The following PRKG1 variants were observed in gnomAD, a reference collection of about 807,000 sequenced individuals.
PRKG1 encodes the protein cGMP-dependent protein kinase 1.
In PRKG1, 35 loss-of-function variants were observed where a neutral mutation model predicts 88.1. The observed-to-expected ratio is 0.40, with a 90% CI of 0.30 to 0.53. The LOEUF is 0.53. PRKG1 is among the 20% of genes least tolerant of loss of function. The probability of loss-of-function intolerance (pLI) is 0.59; values close to 1 mark genes in which losing one functional copy is unlikely to be tolerated. For missense variants in PRKG1, 540 were observed against 839.8 expected, an observed-to-expected ratio of 0.64 and a Z score of 4.41; for synonymous variants, 303 against 292.5, an observed-to-expected ratio of 1.04 and a Z score of -0.37.
chr10:51,869,188 T>A (rs991546645), intron 4 of PRKG1, among the ~76,000 whole-genome samples: 1 of 152,212 alleles, frequency 6.6e-6, no homozygotes, highest in African/African-American at 2.4e-5. Flanking sequence ...TTTCTTTGCT[T>A]GAGAAAATTG....
chr10:50,991,650 C>A lies in PRKG1; in HGVS notation c.266+6C>A. On this transcript the variant is annotated splice_donor_region_variant and intron_variant, in intron 1 of 17. Transcript: ENST00000401604. The surrounding 1 kb of genome is among the most constrained non-coding windows in gnomAD (Gnocchi z 4.5). Reference sequence around the variant, plus strand: ...AAGTTCACCAAGTCCGAAAGGTAGGCGCGGAGGCCGTGGGCCCGGGCGCTC... The same window carrying A: ...AAGTTCACCAAGTCCGAAAGGTAGGAGCGGAGGCCGTGGGCCCGGGCGCTC... 1 of 1,502,866 alleles carries A rather than the reference C, an allele frequency of 6.7e-7. No individual in the cohort carries two copies. Among genetic ancestry groups the A allele is most frequent in the Non-Finnish European group, 8.9e-7 (1 of 1,123,424 alleles). 93.1% of individuals were successfully genotyped at this position (1,502,866 alleles called of 1,614,324 possible). A position where few individuals can be genotyped will look rare whatever the true frequency, so the allele number is the denominator to read the frequency against.
chr10:51,305,585 C>T (rs1235839881), intron 2 of PRKG1, among the ~76,000 whole-genome samples: 1 of 152,238 alleles, frequency 6.6e-6, no homozygotes, highest in East Asian at 1.9e-4. Context: ...TTCAATTGGC[C>T]TTTAGGGCAG....
chr10:51,061,450 G>A (rs904983534), intron 1 of PRKG1, among the ~76,000 whole-genome samples: 71 of 152,062 alleles, frequency 4.7e-4, no homozygotes, highest in Admixed American at 3.9e-3. Context: ...CCATATCAGC[G>A]TCTTTTATAT....
At chr10:51,565,811 G>T (rs1056481236) in intron 3 of PRKG1, among the ~76,000 whole-genome samples, 2 of 151,928 alleles carry the variant, frequency 1.3e-5, no homozygotes, top group Non-Finnish European at 2.9e-5. Context: ...AAAAAAAAAT[G>T]CATCAGCTAT....
chr10:51,132,989 T>C (rs1201236704), intron 1 of PRKG1, among the ~76,000 whole-genome samples: 1 of 152,058 alleles, frequency 6.6e-6, no homozygotes, highest in Non-Finnish European at 1.5e-5. Context: ...TAAATCCAAA[T>C]CTCTGGGTTG....
At chr10:51,730,881 C>T (rs1250949513) in intron 3 of PRKG1, among the ~76,000 whole-genome samples, 1 of 152,154 alleles carries the variant, frequency 6.6e-6, no homozygotes, top group African/African-American at 2.4e-5. Flanking sequence ...TCTGGCCGGG[C>T]GCAGTGGCTC....
At chr10:52,259,196 C>T (rs1011097900) in intron 10 of PRKG1, among the ~76,000 whole-genome samples, 3 of 151,610 alleles carry the variant, frequency 2.0e-5, no homozygotes, top group African/African-American at 7.3e-5. Context: ...GAACTTCTAT[C>T]TATGACATGA....
At chr10:51,710,915 C>G (rs1333580806) in intron 3 of PRKG1, among the ~76,000 whole-genome samples, 1 of 152,038 alleles carries the variant, frequency 6.6e-6, no homozygotes, top group Non-Finnish European at 1.5e-5. Flanking sequence ...GCCAGGGTCT[C>G]GAACTCGTGG....
intron 2 of PRKG1, among the ~76,000 whole-genome samples, chr10:51,220,539 A>G (rs1375582005): frequency 6.6e-6 from 1 of 152,250 alleles, no homozygotes; most frequent in Non-Finnish European, 1.5e-5. Flanking sequence ...GCACAAAATC[A>G]TAGTATAGGA....
At chr10:51,856,788 AC>A (rs1763798212) in intron 4 of PRKG1, among the ~76,000 whole-genome samples, 1 of 151,704 alleles carries the variant, frequency 6.6e-6, no homozygotes, top group South Asian at 2.1e-4. Flanking sequence ...ACACGGTGAA[AC>A]CCCGTCTCTA....
chr10:51,721,849 TC>T (rs931820065), intron 3 of PRKG1, among the ~76,000 whole-genome samples: 4 of 152,186 alleles, frequency 2.6e-5, no homozygotes, highest in Admixed American at 2.6e-4. Context: ...ATGCATTTTC[TC>T]CAGGGACTGC....
At chr10:51,563,325 A>G (rs1837519033) in intron 3 of PRKG1, among the ~76,000 whole-genome samples, 2 of 152,176 alleles carry the variant, frequency 1.3e-5, no homozygotes, top group African/African-American at 4.8e-5. Context: ...TACAGAAATG[A>G]TAAATGTTTG....
chr10:51,127,588 C>T (rs1353856761), intron 1 of PRKG1, among the ~76,000 whole-genome samples: 6 of 152,112 alleles, frequency 3.9e-5, no homozygotes, highest in African/African-American at 2.4e-5. Context: ...TACCATTTGA[C>T]CAAGCAATCT....
intron 4 of PRKG1, among the ~76,000 whole-genome samples, chr10:51,829,663 T>C (rs1472018459): frequency 3.3e-5 from 5 of 152,204 alleles, no homozygotes; most frequent in African/African-American, 1.2e-4. Context: ...ATTTTCTAAA[T>C]ACACGTGAAC....
At chr10:52,209,918 G>T (rs1445688821) in intron 9 of PRKG1, among the ~76,000 whole-genome samples, 1 of 152,082 alleles carries the variant, frequency 6.6e-6, no homozygotes, top group East Asian at 1.9e-4. Context: ...CTTTAGCAAC[G>T]TATCTTGAGT....
At chr10:51,547,895 A>G (rs1039070109) in intron 3 of PRKG1, among the ~76,000 whole-genome samples, 2 of 152,108 alleles carry the variant, frequency 1.3e-5, no homozygotes, top group African/African-American at 4.8e-5. Context: ...TGTCACCTCA[A>G]AGTTGGTGAA....
intron 3 of PRKG1, among the ~76,000 whole-genome samples, chr10:51,525,637 GCAGTGAT>G (rs1337055151): frequency 6.6e-6 from 1 of 152,170 alleles, no homozygotes; most frequent in Non-Finnish European, 1.5e-5. Flanking sequence ...GGCAGAGCTT[GCAGTGAT>G]CTGAGATTGC....
intron 3 of PRKG1, among the ~76,000 whole-genome samples, chr10:51,631,315 G>T (rs1839520186): frequency 6.6e-6 from 1 of 152,150 alleles, no homozygotes; most frequent in Non-Finnish European, 1.5e-5. Context: ...AATGTGCAGT[G>T]CAGGGAAAGA....
At chr10:51,171,268 T>C (rs115294203) in intron 2 of PRKG1, among the ~76,000 whole-genome samples, 8 of 152,142 alleles carry the variant, frequency 5.3e-5, no homozygotes, top group Non-Finnish European at 1.0e-4. Context: ...TAGGGTACAG[T>C]AATAATCGTG....
Sources: allele counts gnomAD v4.1 joint callset (sites outside exome capture counted in the v4.1 genomes callset), GRCh38; gene constraint gnomAD v4.1.1; non-coding constraint Gnocchi (gnomAD v3.1); transcripts MANE v1.5; gene names NCBI Gene and HGNC (gene_info 2026-07-23, HGNC 2026-07-21).